Variants in COG5 observed in about 807,000 individuals in gnomAD.
COG5 encodes the protein component of oligomeric golgi complex 5.
Under a neutral mutation model 110.4 loss-of-function variants are expected in COG5, and 86 were observed. That is an observed-to-expected ratio of 0.78 (90% CI 0.65 to 0.93). COG5 has a LOEUF of 0.93. Among genes scored for constraint, COG5 ranks in the 40% least tolerant of loss-of-function variants. COG5 has a pLI of 0.00. For synonymous variants in COG5, 360 were observed against 334.6 expected (o/e 1.08, Z -0.83); for missense variants, 1,077 against 987.0 (o/e 1.09, Z -1.22).
intron 6 of COG5, among the ~76,000 whole-genome samples, chr7:107,522,627 AT>A (rs1800420209): frequency 1.3e-5 from 2 of 152,178 alleles, no homozygotes; most frequent in African/African-American, 4.8e-5. Context: ...AAAGAAAAAA[AT>A]AAAAATAAAA....
At chr7:107,403,530 C>CCCT (rs950627391) in intron 7 of COG5, among the ~76,000 whole-genome samples, 4 of 151,946 alleles carry the variant, frequency 2.6e-5, no homozygotes, top group African/African-American at 9.7e-5. Flanking sequence ...CTAATGGTAT[C>CCCT]CCTCCCCTAG....
chr7:107,429,356 T>C (rs1405417901), intron 6 of COG5, among the ~76,000 whole-genome samples: 1 of 152,182 alleles, frequency 6.6e-6, no homozygotes, highest in Non-Finnish European at 1.5e-5. Context: ...GTGGTTTGAT[T>C]TGCATTTTCC....
At chr7:107,416,366 A>G (rs2129070290) in intron 6 of COG5, among the ~76,000 whole-genome samples, 1 of 152,206 alleles carries the variant, frequency 6.6e-6, no homozygotes, top group Non-Finnish European at 1.5e-5. Flanking sequence ...ATGAATCTCA[A>G]TAACATAATG....
At position 107,202,596 on chromosome 7, in the gene COG5, C is replaced by G. The variant is rs1050493934; in HGVS notation, c.*920G>C. 2.0e-5 allele frequency: 3 copies of G among 152,370 alleles called. No homozygotes were observed. Among genetic ancestry groups the G allele is most frequent in the African/African-American group, 7.2e-5 (3 of 41,396 alleles). The allele number at this position is 152,370 out of a possible 1,614,324, so 9.4% of individuals were successfully genotyped here. On this transcript the variant is annotated 3_prime_UTR_variant, in exon 22 of 22. Coordinates refer to ENST00000297135, the MANE Select transcript of COG5 (RefSeq NM_006348.5). ...TTTTATTTATGAGTTCTCAGAATAA[C>G]AGGTTCAGGAGATGAGATGGAAAAC...
intron 21 of COG5, 101 bp downstream of exon 21, chr7:107,210,425 C>T: frequency 1.3e-6 from 2 of 1,522,050 alleles, no homozygotes; most frequent in East Asian, 2.5e-5. Context: ...GGTGCAGTCA[C>T]ATGTCCATGC....
At chr7:107,228,535 G>T (rs571012935) in intron 19 of COG5, among the ~76,000 whole-genome samples, 2 of 152,204 alleles carry the variant, frequency 1.3e-5, no homozygotes, top group South Asian at 4.1e-4. Flanking sequence ...ACAAACAGAT[G>T]ACCAATGGAT....
rs901352133 is a variant in COG5, at chr7:107,203,433, G to C, written c.*83C>G. 2 of 869,156 alleles carry C rather than the reference G, an allele frequency of 2.3e-6. No individual in the cohort carries two copies. Among genetic ancestry groups the C allele is most frequent in the African/African-American group, 3.3e-5 (2 of 60,440 alleles). 53.8% of individuals were successfully genotyped at this position (869,156 alleles called of 1,614,324 possible). On this transcript the variant is annotated 3_prime_UTR_variant, in exon 22 of 22. Transcript: ENST00000297135. The stretch of plus-strand genomic sequence containing the variant: ...AATTACATTCTTAAAATAGTAGATA[G>C]TAGCAGTCTTTTGGAGTATGTGTTT...
chr7:107,345,066 T>C (rs1460440446), intron 10 of COG5, among the ~76,000 whole-genome samples: 1 of 152,120 alleles, frequency 6.6e-6, no homozygotes, highest in Non-Finnish European at 1.5e-5. Flanking sequence ...GGTTATTAAT[T>C]GGCCTAACTT....
In COG5 at chr7:107,258,266, T is replaced by A; in HGVS notation, c.1686+7A>T. ...TTAAGTAAAAAAAAACTTAATAAAA[T>A]AGTTACCTTTGTTACTGATTGGTGC... is the stretch of plus-strand genomic sequence containing the variant. On this transcript the variant is annotated splice_region_variant and intron_variant, in intron 15 of 21. Transcript: ENST00000297135. 2 of 1,535,452 alleles carry A rather than the reference T, an allele frequency of 1.3e-6. No homozygotes were observed. The highest frequency in any genetic ancestry group is 1.8e-6 in the Non-Finnish European group (2 of 1,109,320).
chr7:107,205,831 T>C (rs1436174287), intron 21 of COG5, among the ~76,000 whole-genome samples: 1 of 152,186 alleles, frequency 6.6e-6, no homozygotes, highest in Non-Finnish European at 1.5e-5. Flanking sequence ...TCAACAGCCT[T>C]GACTTAGTAG....
At chr7:107,509,353 GAATA>G (rs1484394715) in intron 6 of COG5, among the ~76,000 whole-genome samples, 2 of 152,152 alleles carry the variant, frequency 1.3e-5, no homozygotes, top group Non-Finnish European at 2.9e-5. Flanking sequence ...GAGAAAAAAA[GAATA>G]AAAAGAAATG....
intron 10 of COG5, among the ~76,000 whole-genome samples, chr7:107,357,710 T>C (rs1359763871): frequency 1.3e-5 from 2 of 152,136 alleles, no homozygotes; most frequent in African/African-American, 4.8e-5. Context: ...ACTTTATTAC[T>C]CAGGCTAGAG....
Position 107,520,806 on chromosome 7 carries a change from T to C in COG5, c.538+6431A>G, listed in dbSNP as rs147895780. ...TTAGAAAAAACTACTTTAAATTTCA[T>C]ATGGAACCAAAAAAGAGCTCATATA... On this transcript the variant is annotated intron_variant, in intron 6 of 21. Transcript: ENST00000297135. Among the ~76,000 whole-genome samples the C allele has an allele frequency of 1.7e-3, 253 of 152,290 alleles. 1 individual carries two copies. Among genetic ancestry groups the C allele is most frequent in the African/African-American group, 5.6e-3 (234 of 41,560 alleles).
intron 6 of COG5, among the ~76,000 whole-genome samples, chr7:107,482,564 G>C (rs1027840666): frequency 6.6e-6 from 1 of 151,714 alleles, no homozygotes; most frequent in Non-Finnish European, 1.5e-5. Flanking sequence ...AAATGAAAAG[G>C]CACAGAAGCA....
intron 6 of COG5, among the ~76,000 whole-genome samples, chr7:107,511,391 T>A (rs1037648960): frequency 2.6e-5 from 4 of 152,048 alleles, no homozygotes; most frequent in Non-Finnish European, 4.4e-5. Flanking sequence ...TCTGAAATTG[T>A]GGCAATAATC....
chr7:107,345,100 C>T (rs1309460429), intron 10 of COG5, among the ~76,000 whole-genome samples: 1 of 152,092 alleles, frequency 6.6e-6, no homozygotes, highest in Non-Finnish European at 1.5e-5. Flanking sequence ...TCTCAGGAAA[C>T]AGGGAAGCCT....
At chr7:107,456,962 A>G (rs1292201796) in intron 6 of COG5, among the ~76,000 whole-genome samples, 1 of 152,248 alleles carries the variant, frequency 6.6e-6, no homozygotes, top group Non-Finnish European at 1.5e-5. Flanking sequence ...GAAAGGATCA[A>G]GTTGATCCAC....
intron 6 of COG5, among the ~76,000 whole-genome samples, chr7:107,460,601 C>T (rs979629312): frequency 1.3e-5 from 2 of 151,772 alleles, no homozygotes; most frequent in Non-Finnish European, 2.9e-5. Context: ...AAAGGAAATA[C>T]TAAAGAGTAG....
At chr7:107,395,184 G>A (rs1036764486) in intron 7 of COG5, among the ~76,000 whole-genome samples, 7 of 151,994 alleles carry the variant, frequency 4.6e-5, no homozygotes, top group African/African-American at 1.5e-4. Flanking sequence ...TTTAATAAGT[G>A]CACCATTTCA....
Sources: allele counts gnomAD v4.1 joint callset (sites outside exome capture counted in the v4.1 genomes callset), GRCh38; gene constraint gnomAD v4.1.1; transcripts MANE v1.5; gene names NCBI Gene and HGNC (gene_info 2026-07-23, HGNC 2026-07-21).